Variants in CNOT4 observed in about 807,000 individuals in gnomAD.
CNOT4 encodes the protein CCR4-NOT transcription complex subunit 4.
Under a neutral mutation model 73.8 loss-of-function variants are expected in CNOT4, and 8 were observed. The ratio of observed to expected loss-of-function variants is 0.11; its 90% confidence interval spans 0.06 to 0.20. The LOEUF is 0.20. Ranked by LOEUF, CNOT4 falls within the 10% of genes least tolerant of loss-of-function variation. The probability of loss-of-function intolerance (pLI) is 1.00; values close to 1 mark genes in which losing one functional copy is unlikely to be tolerated. For synonymous variants in CNOT4, 293 were observed against 321.1 expected (o/e 0.91, Z 0.94); for missense variants, 564 against 883.4 (o/e 0.64, Z 4.58).
chr7:135,401,984 T>C (rs182851468), intron 7 of CNOT4, among the ~76,000 whole-genome samples: 1 of 152,310 alleles, frequency 6.6e-6, no homozygotes, highest in East Asian at 1.9e-4. Context: ...CAGAAGGCAA[T>C]GCTGTATGTA....
At position 135,363,921 on chromosome 7, in the gene CNOT4, G is replaced by T; in HGVS notation, c.1773C>A (p.Asn591Lys). The change falls in exon 11 of 12, where the codon AAC becomes AAA. Residue 591 changes from asparagine (N) to lysine (K), a missense_variant. Physicochemically the swap from Asn to Lys is moderately conservative, Grantham distance 94. Coordinates refer to ENST00000541284, the MANE Select transcript of CNOT4 (RefSeq NM_001190850.2). The surrounding 1 kb of genome is among the most constrained non-coding windows in gnomAD (Gnocchi z 4.3). ...AACTCAGGCTGTCGGTGGTGGCAGT[G>T]TTGGACGTTGGTGCACTGTGGTTGG... ...SNANHSAPTS[N>K]TATTDSLSWD... 6.3e-7 allele frequency: 1 copy of T among 1,598,486 alleles called. No individual in the cohort carries two copies. The highest frequency in any genetic ancestry group is 2.2e-5 in the East Asian group (1 of 44,864).
chr7:135,370,842 G>A (rs1033687295), intron 10 of CNOT4, among the ~76,000 whole-genome samples: 9 of 152,164 alleles, frequency 5.9e-5, no homozygotes, highest in Non-Finnish European at 1.2e-4. Context: ...AGGCTTCTCT[G>A]CATGTAAACT....
At chr7:135,487,927 G>C (rs1436128017) in intron 1 of CNOT4, among the ~76,000 whole-genome samples, 3 of 151,870 alleles carry the variant, frequency 2.0e-5, no homozygotes, top group Non-Finnish European at 4.4e-5. Flanking sequence ...CATGGTGGCG[G>C]GCACCTGTAG....
chr7:135,391,867 G>A (rs1563021061), intron 10 of CNOT4, among the ~76,000 whole-genome samples: 1 of 151,954 alleles, frequency 6.6e-6, no homozygotes, highest in East Asian at 1.9e-4. Flanking sequence ...ACAAAAAGAA[G>A]ACAGCTAATA....
Position 135,415,330 on chromosome 7 carries a change from ACATT to A in CNOT4, c.373-72_373-69del, listed in dbSNP as rs1210839481. The stretch of plus-strand genomic sequence containing the variant: ...AAACAACTTTATCCTTATAATGGAG[ACATT>A]CATCATCCCTCTTCAGCAAAAGGAA... On this transcript the variant is annotated intron_variant, in intron 3 of 11. Coordinates refer to ENST00000541284, the MANE Select transcript of CNOT4 (RefSeq NM_001190850.2). 85 of 775,626 alleles carry A rather than the reference ACATT, an allele frequency of 1.1e-4. No individual in the cohort carries two copies. In the East Asian group the frequency reaches 1.9e-3, roughly 17 times the overall value. The allele number at this position is 775,626 out of a possible 1,614,324, so 48.0% of individuals were successfully genotyped here.
At chr7:135,415,336 A>G (rs1250559152) in intron 3 of CNOT4, 74 bp from the exon 4 acceptor site, 3 of 729,660 alleles carry the variant, frequency 4.1e-6, no homozygotes, top group Non-Finnish European at 7.0e-6. Flanking sequence ...GGAGACATTC[A>G]TCATCCCTCT....
intron 1 of CNOT4, among the ~76,000 whole-genome samples, chr7:135,477,251 G>A (rs1802053371): frequency 6.6e-6 from 1 of 151,888 alleles, no homozygotes. Context: ...GCTGAGGCAG[G>A]AGAATCACCT....
chr7:135,440,704 G>C (rs1324191732), intron 1 of CNOT4, among the ~76,000 whole-genome samples: 2 of 152,116 alleles, frequency 1.3e-5, no homozygotes, highest in African/African-American at 4.8e-5. Flanking sequence ...GGTGAATCAC[G>C]AGGTCAAGAG....
intron 2 of CNOT4, among the ~76,000 whole-genome samples, chr7:135,426,221 C>CG (rs968123308): frequency 2.0e-5 from 3 of 151,566 alleles, no homozygotes; most frequent in African/African-American, 7.3e-5. Context: ...TTCAAAAAAG[C>CG]GGGGGGAAAT....
chr7:135,394,215 T>C lies in CNOT4; in HGVS notation c.1330A>G (p.Thr444Ala). Residue 444 changes from threonine to alanine, a missense_variant, in exon 10 of 12, where the codon ACA becomes GCA. By Grantham distance (58) the Thr-to-Ala change is moderately conservative. Coordinates refer to ENST00000541284, the MANE Select transcript of CNOT4 (RefSeq NM_001190850.2). ...CCAGAGCCTGGACCTTTGGCGGTTG[T>C]AGTGTGTGAAGAGGAGTTCTGAAGA... ...TSLQNSSSHT[T>A]TAKGPGSGFL... 1 of 1,614,178 alleles carries C rather than the reference T, an allele frequency of 6.2e-7. No individual in the cohort carries two copies. Among genetic ancestry groups the C allele is most frequent in the Non-Finnish European group, 8.5e-7 (1 of 1,180,014 alleles).
intron 5 of CNOT4, 101 bp from the exon 6 acceptor site, chr7:135,413,714 C>T (rs1235806994): frequency 8.6e-7 from 1 of 1,161,300 alleles, no homozygotes; most frequent in Non-Finnish European, 1.2e-6. Flanking sequence ...TAAAATGAGG[C>T]ACAAACATGA....
chr7:135,413,397 A>G, intron 6 of CNOT4, 91 bp downstream of exon 6: 4 of 1,454,960 alleles, frequency 2.7e-6, no homozygotes, highest in Non-Finnish European at 2.8e-6. Flanking sequence ...TTACAAAATC[A>G]AATCCTTAGT....
intron 1 of CNOT4, among the ~76,000 whole-genome samples, chr7:135,458,632 C>T (rs761232200): frequency 1.3e-5 from 2 of 152,060 alleles, no homozygotes; most frequent in Non-Finnish European, 2.9e-5. Flanking sequence ...CCTTTGTTGT[C>T]ATTTCAACAA....
At chr7:135,494,522 C>A (rs1354072441) in intron 1 of CNOT4, among the ~76,000 whole-genome samples, 1 of 150,256 alleles carries the variant, frequency 6.7e-6, no homozygotes, top group African/African-American at 2.4e-5. Flanking sequence ...ACACTTTTCT[C>A]CATCCATCCT....
rs554486869 is a variant in CNOT4, at chr7:135,453,816, T to C, written c.-92-15393A>G. The stretch of plus-strand genomic sequence containing the variant: ...TTTATATATAAATATATATAATAAA[T>C]ATATATATTTTATATATATATATAT... On this transcript the variant is annotated intron_variant, in intron 1 of 11. Coordinates refer to ENST00000541284, the MANE Select transcript of CNOT4 (RefSeq NM_001190850.2). Among the ~76,000 whole-genome samples the C allele has an allele frequency of 6.9e-5, 7 of 101,784 alleles. No homozygotes were observed. In the East Asian group the frequency reaches 2.3e-3, roughly 34 times the overall value. The allele number at this position is 101,784 out of a possible 152,430, so 66.8% of individuals were successfully genotyped here. A position where few individuals can be genotyped will look rare whatever the true frequency, so the allele number is the denominator to read the frequency against.
chr7:135,483,178 AT>A (rs140325257), intron 1 of CNOT4, among the ~76,000 whole-genome samples: 90 of 142,634 alleles, frequency 6.3e-4, no homozygotes, highest in African/African-American at 1.6e-3. Context: ...CTACAAAAAA[AT>A]TTAAAAAAAA....
At chr7:135,392,455 C>G (rs529498556) in intron 10 of CNOT4, among the ~76,000 whole-genome samples, 1 of 151,958 alleles carries the variant, frequency 6.6e-6, no homozygotes, top group Non-Finnish European at 1.5e-5. Flanking sequence ...AGATACACTA[C>G]TAGTAATTAA....
chr7:135,507,538 C>A (rs1025813609), intron 1 of CNOT4, among the ~76,000 whole-genome samples: 4 of 152,058 alleles, frequency 2.6e-5, no homozygotes, highest in African/African-American at 9.7e-5. Context: ...ATGAAGAATT[C>A]AGTAACTGCG....
chr7:135,442,678 C>A (rs1245078585), intron 1 of CNOT4, among the ~76,000 whole-genome samples: 1 of 152,008 alleles, frequency 6.6e-6, no homozygotes, highest in Non-Finnish European at 1.5e-5. Context: ...ATAGAAATAT[C>A]TTTTTAAATG....
Sources: gnomAD v4.1 joint callset for allele counts (sites outside exome capture counted in the v4.1 genomes callset) on GRCh38, gnomAD v4.1.1 for gene constraint, Gnocchi (gnomAD v3.1) non-coding constraint, MANE v1.5 for transcripts, NCBI Gene and HGNC (gene_info 2026-07-23, HGNC 2026-07-21) for gene names.